Variants in CDH4 observed in about 807,000 individuals in gnomAD.
CDH4 encodes the protein cadherin 4.
A neutral mutation model predicts 86.0 loss-of-function variants in CDH4; 33 were observed. The observed-to-expected ratio is 0.38, with a 90% CI of 0.29 to 0.51. The LOEUF is 0.51. Among genes scored for constraint, CDH4 ranks in the 20% least tolerant of loss-of-function variants. The pLI, the probability that CDH4 is intolerant of heterozygous loss-of-function variation, is 0.86. For synonymous variants in CDH4, 555 were observed against 549.4 expected (o/e 1.01, Z -0.14); for missense variants, 1,114 against 1,307.4 (o/e 0.85, Z 2.28).
At chr20:61,506,066 G>A (rs1172851439) in intron 2 of CDH4, among the ~76,000 whole-genome samples, 1 of 152,222 alleles carries the variant, frequency 6.6e-6, no homozygotes, top group African/African-American at 2.4e-5. Flanking sequence ...AATTCTGAAT[G>A]TGGAGAACAA....
At chr20:61,758,494 G>A (rs1255977151) in intron 3 of CDH4, among the ~76,000 whole-genome samples, 3 of 152,128 alleles carry the variant, frequency 2.0e-5, no homozygotes, top group Non-Finnish European at 4.4e-5. Context: ...GAATTGCCAC[G>A]AGGAGTTAGG....
At chr20:61,567,342 C>T (rs538644317) in intron 2 of CDH4, among the ~76,000 whole-genome samples, 11 of 152,302 alleles carry the variant, frequency 7.2e-5, no homozygotes, top group African/African-American at 2.4e-4. Context: ...TTTCACAGTT[C>T]TGGAGGCCAG....
chr20:61,873,734 A>G lies in CDH4; in HGVS notation c.884A>G (p.Tyr295Cys), dbSNP rs1184176376. 6.2e-7 allele frequency: 1 copy of G among 1,613,144 alleles called. No individual in the cohort carries two copies. The highest frequency in any genetic ancestry group is 2.2e-5 in the East Asian group (1 of 44,884). The stretch of plus-strand genomic sequence containing the variant: ...GCTGCTGTCTCCGTTCCAGGCACCT[A>G]CGTGATGACCGTCACGGCCAACGAT... ...SVDEGSKPGT[Y>C]VMTVTANDAD... is the part of the protein sequence containing the mutation. The change falls in exon 7 of 16, where the codon TAC becomes TGC. Residue 295 changes from tyrosine (Y) to cysteine (C), a missense_variant. This residue lies in a region of CDH4 where 705 missense variants were observed against 914.1 expected (regional missense o/e 0.77). Transcript: ENST00000614565.
chr20:61,850,264 TCA>T (rs1982650675), intron 5 of CDH4, among the ~76,000 whole-genome samples: 1 of 152,208 alleles, frequency 6.6e-6, no homozygotes, highest in Non-Finnish European at 1.5e-5. Context: ...AATGCCAATC[TCA>T]CAGATTCTGA....
chr20:61,573,612 G>A (rs112957769), intron 2 of CDH4, among the ~76,000 whole-genome samples: 3 of 152,082 alleles, frequency 2.0e-5, no homozygotes, highest in African/African-American at 7.2e-5. Flanking sequence ...CAGGAGCCTC[G>A]GGGCCTCCTG....
chr20:61,799,864 C>A (rs529950213), intron 4 of CDH4, among the ~76,000 whole-genome samples: 2 of 152,336 alleles, frequency 1.3e-5, no homozygotes, highest in South Asian at 2.1e-4. Context: ...AGCCTCATAA[C>A]ACCACGGTCC....
chr20:61,753,481 G>A (rs927101110), intron 3 of CDH4, among the ~76,000 whole-genome samples: 2 of 152,136 alleles, frequency 1.3e-5, no homozygotes, highest in African/African-American at 2.4e-5. Context: ...CTGTTTTTTG[G>A]TGCAGTCTTG....
chr20:61,424,280 C>T (rs963678407), intron 2 of CDH4, among the ~76,000 whole-genome samples: 1 of 151,474 alleles, frequency 6.6e-6, no homozygotes, highest in African/African-American at 2.4e-5. Flanking sequence ...CCACATACAA[C>T]ACACATGTAT....
intron 2 of CDH4, among the ~76,000 whole-genome samples, chr20:61,541,661 A>C (rs767738589): frequency 3.3e-5 from 5 of 152,132 alleles, no homozygotes; most frequent in Non-Finnish European, 7.3e-5. Flanking sequence ...TCTCTTCGCC[A>C]TGTGTTTGTG....
intron 2 of CDH4, among the ~76,000 whole-genome samples, chr20:61,454,670 C>T (rs1434384282): frequency 6.6e-6 from 1 of 152,178 alleles, no homozygotes; most frequent in Non-Finnish European, 1.5e-5. Flanking sequence ...TGGTCTCGAT[C>T]TCCTGACCTC....
At chr20:61,485,229 A>T (rs988866710) in intron 2 of CDH4, among the ~76,000 whole-genome samples, 1 of 152,180 alleles carries the variant, frequency 6.6e-6, no homozygotes, top group African/African-American at 2.4e-5. Context: ...GTATTCCATT[A>T]ACTTTCTAAT....
chr20:61,673,862 G>A (rs1671141954), intron 2 of CDH4, among the ~76,000 whole-genome samples: 1 of 152,198 alleles, frequency 6.6e-6, no homozygotes, highest in Non-Finnish European at 1.5e-5. Context: ...GACAAAATGA[G>A]ACAGAAGTCA....
intron 2 of CDH4, among the ~76,000 whole-genome samples, chr20:61,667,541 A>G (rs1423581829): frequency 6.6e-6 from 1 of 152,202 alleles, no homozygotes; most frequent in Non-Finnish European, 1.5e-5. Flanking sequence ...ATGCGCCCAG[A>G]CGGCCCCACT....
intron 2 of CDH4, among the ~76,000 whole-genome samples, chr20:61,574,448 CAG>C (rs1417806863): frequency 2.6e-5 from 4 of 152,214 alleles, no homozygotes; most frequent in African/African-American, 7.2e-5. Flanking sequence ...CTGCCAGAGA[CAG>C]AGTTTACACA....
At chr20:61,734,903 G>T (rs2088241725) in intron 2 of CDH4, among the ~76,000 whole-genome samples, 1 of 152,228 alleles carries the variant, frequency 6.6e-6, no homozygotes, top group Non-Finnish European at 1.5e-5. Flanking sequence ...CCCCAGGGCT[G>T]AGGCCCAGCG....
At chr20:61,809,512 G>A (rs1980319135) in intron 4 of CDH4, among the ~76,000 whole-genome samples, 1 of 152,166 alleles carries the variant, frequency 6.6e-6, no homozygotes, top group Admixed American at 6.5e-5. Context: ...GGATGATTAA[G>A]TGTAATTATA....
chr20:61,329,817 A>G (rs2084561759), intron 2 of CDH4, among the ~76,000 whole-genome samples: 1 of 152,058 alleles, frequency 6.6e-6, no homozygotes, highest in Non-Finnish European at 1.5e-5. Flanking sequence ...TACGTGCATT[A>G]GCTATTTATC....
chr20:61,452,841 C>G (rs1464825167), intron 2 of CDH4, among the ~76,000 whole-genome samples: 1 of 152,148 alleles, frequency 6.6e-6, no homozygotes, highest in African/African-American at 2.4e-5. Flanking sequence ...GAGACAAAAA[C>G]AGAAAACTGA....
At chr20:61,422,102 G>A (rs952327706) in intron 2 of CDH4, among the ~76,000 whole-genome samples, 1 of 152,048 alleles carries the variant, frequency 6.6e-6, no homozygotes, top group Non-Finnish European at 1.5e-5. Flanking sequence ...CTTTTTGAAC[G>A]TATATCTATG....
Sources: allele counts gnomAD v4.1 joint callset (sites outside exome capture counted in the v4.1 genomes callset), GRCh38; gene constraint gnomAD v4.1.1; regional missense constraint gnomAD v4.1.1; transcripts MANE v1.5; gene names NCBI Gene and HGNC (gene_info 2026-07-23, HGNC 2026-07-21).